The following ULK4 variants were observed in gnomAD, a reference collection of about 807,000 sequenced individuals.
ULK4 encodes the protein inactive serine/threonine-protein kinase ULK4.
A neutral mutation model predicts 160.6 loss-of-function variants in ULK4; 133 were observed. That is an observed-to-expected ratio of 0.83 (90% confidence interval 0.72 to 0.96). The LOEUF (loss-of-function observed/expected upper bound fraction) is 0.96, where lower values mean the gene tolerates loss of function less well. ULK4 is among the 40% of genes least tolerant of loss of function. The pLI is 0.00. For synonymous variants in ULK4, 534 were observed against 539.8 expected (o/e 0.99, Z 0.15); for missense variants, 1,580 against 1,499.5 (o/e 1.05, Z -0.89).
chr3:41,418,447 G>A (rs908303458), intron 34 of ULK4, among the ~76,000 whole-genome samples: 1 of 151,298 alleles, frequency 6.6e-6, no homozygotes, highest in African/African-American at 2.4e-5. Context: ...AGTCCACGTA[G>A]AAGTGGACCT....
At chr3:41,441,252 T>C (rs1328793585) in intron 34 of ULK4, among the ~76,000 whole-genome samples, 2 of 152,090 alleles carry the variant, frequency 1.3e-5, no homozygotes, top group Non-Finnish European at 2.9e-5. Context: ...ATTTGAGACC[T>C]TTCCCAAACT....
At chr3:41,789,322 C>G (rs565030818) in intron 21 of ULK4, among the ~76,000 whole-genome samples, 1 of 152,140 alleles carries the variant, frequency 6.6e-6, no homozygotes, top group African/African-American at 2.4e-5. Context: ...GACTCCTCCC[C>G]CTAAAAAAGG....
At chr3:41,387,642 T>C (rs534607808) in intron 35 of ULK4, among the ~76,000 whole-genome samples, 9 of 152,276 alleles carry the variant, frequency 5.9e-5, no homozygotes, top group Non-Finnish European at 8.8e-5. Flanking sequence ...TTTGTCCTTG[T>C]GATAGTTTGC....
At chr3:41,882,331 C>T in intron 17 of ULK4, 3 of 700,770 alleles carry the variant, frequency 4.3e-6, no homozygotes, top group East Asian at 2.7e-5. Context: ...GTGATACATG[C>T]TGTGAAAAAG....
chr3:41,855,352 C>T (rs1455980630), intron 17 of ULK4, among the ~76,000 whole-genome samples: 2 of 152,160 alleles, frequency 1.3e-5, no homozygotes, highest in African/African-American at 4.8e-5. Context: ...GGCATATAAT[C>T]CAGGTACTGC....
At position 41,954,816 on chromosome 3, in the gene ULK4, T is replaced by G; in HGVS notation, c.-48-9A>C. On this transcript the variant is annotated splice_polypyrimidine_tract_variant and intron_variant, in intron 1 of 36. Coordinates refer to ENST00000301831, the MANE Select transcript of ULK4 (RefSeq NM_017886.4). ...AACAGCATCTCTAGCTCCTAAGAAG[T>G]AAACAAAAATGACATTGATAAATGC... The G allele has an allele frequency of 6.6e-7, 1 of 1,505,450 alleles. No individual in the cohort carries two copies. Among genetic ancestry groups the G allele is most frequent in the Non-Finnish European group, 8.9e-7 (1 of 1,117,386 alleles). The allele number at this position is 1,505,450 out of a possible 1,614,324, so 93.3% of individuals were successfully genotyped here. A position where few individuals can be genotyped will look rare whatever the true frequency, so the allele number is the denominator to read the frequency against.
At chr3:41,675,771 A>G (rs531351609) in intron 29 of ULK4, among the ~76,000 whole-genome samples, 24 of 152,278 alleles carry the variant, frequency 1.6e-4, no homozygotes, top group African/African-American at 5.8e-4. Flanking sequence ...TACAAACCAA[A>G]TATCACTTGC....
chr3:41,452,770 T>C (rs922114552), intron 34 of ULK4, among the ~76,000 whole-genome samples: 1 of 152,066 alleles, frequency 6.6e-6, no homozygotes, highest in Non-Finnish European at 1.5e-5. Flanking sequence ...CATCTTAAAC[T>C]ATGAAAAATG....
intron 9 of ULK4, among the ~76,000 whole-genome samples, chr3:41,911,919 G>T (rs9845322): frequency 0.054 from 8,199 of 151,944 alleles, 410 homozygotes; most frequent in East Asian, 0.16. Flanking sequence ...TTGGGAGGCC[G>T]AGGCAGACGG....
chr3:41,772,231 AAGG>A, intron 21 of ULK4, among the ~76,000 whole-genome samples: 1 of 152,362 alleles, frequency 6.6e-6, no homozygotes, highest in Admixed American at 6.5e-5. Context: ...AGCAGAACTG[AAGG>A]AGATAGAGAC....
chr3:41,773,683 G>C (rs1293226510), intron 21 of ULK4, among the ~76,000 whole-genome samples: 1 of 152,068 alleles, frequency 6.6e-6, no homozygotes, highest in Non-Finnish European at 1.5e-5. Flanking sequence ...TACCCATCAA[G>C]CTACCAATGA....
intron 17 of ULK4, among the ~76,000 whole-genome samples, chr3:41,880,551 C>G (rs962612235): frequency 1.3e-5 from 2 of 152,134 alleles, no homozygotes; most frequent in Non-Finnish European, 2.9e-5. Context: ...CATTAACTGC[C>G]TAAAATACAC....
intron 5 of ULK4, among the ~76,000 whole-genome samples, chr3:41,923,352 AG>A: frequency 6.6e-6 from 1 of 152,076 alleles, no homozygotes; most frequent in African/African-American, 2.4e-5. Flanking sequence ...TACAAAAATT[AG>A]CTGGGCATGG....
chr3:41,577,740 G>A (rs1157772907), intron 31 of ULK4, among the ~76,000 whole-genome samples: 1 of 152,132 alleles, frequency 6.6e-6, no homozygotes, highest in East Asian at 1.9e-4. Context: ...GGAATATAAA[G>A]AGGAGGGTCA....
At chr3:41,392,454 G>A (rs2081977270) in intron 35 of ULK4, among the ~76,000 whole-genome samples, 1 of 152,152 alleles carries the variant, frequency 6.6e-6, no homozygotes, top group East Asian at 1.9e-4. Context: ...AAGAATCCAG[G>A]GCCCTTTCTG....
chr3:41,470,370 C>T (rs1007152560), intron 32 of ULK4, among the ~76,000 whole-genome samples: 1 of 152,070 alleles, frequency 6.6e-6, no homozygotes, highest in Non-Finnish European at 1.5e-5. Flanking sequence ...GAATATTTTA[C>T]CCAATAAAAT....
chr3:41,558,793 G>A (rs1305789030), intron 32 of ULK4, among the ~76,000 whole-genome samples: 1 of 151,650 alleles, frequency 6.6e-6, no homozygotes, highest in Non-Finnish European at 1.5e-5. Context: ...CAGTGACTTG[G>A]TAATTTTATT....
chr3:41,265,389 C>G (rs560698361), intron 35 of ULK4, among the ~76,000 whole-genome samples: 1 of 152,222 alleles, frequency 6.6e-6, no homozygotes, highest in African/African-American at 2.4e-5. Context: ...GGTAGGGCCA[C>G]GCAAACTCAG....
At chr3:41,499,089 T>G (rs188367265) in intron 32 of ULK4, among the ~76,000 whole-genome samples, 5 of 152,324 alleles carry the variant, frequency 3.3e-5, no homozygotes, top group Admixed American at 1.3e-4. Flanking sequence ...AAGTATTACA[T>G]TATTCCACTT....
Sources: gnomAD v4.1 joint callset for allele counts (sites outside exome capture counted in the v4.1 genomes callset) on GRCh38, gnomAD v4.1.1 for gene constraint, MANE v1.5 for transcripts, NCBI Gene and HGNC (gene_info 2026-07-23, HGNC 2026-07-21) for gene names.